The following CACNA1B variants were observed in gnomAD, a reference collection of about 807,000 sequenced individuals.
CACNA1B encodes voltage-dependent N-type calcium channel subunit alpha-1B.
Under a neutral mutation model 247.2 loss-of-function variants are expected in CACNA1B, and 70 were observed. That is an observed-to-expected ratio of 0.28 (90% CI 0.23 to 0.35). The LOEUF (loss-of-function observed/expected upper bound fraction) is 0.35, where lower values mean the gene tolerates loss of function less well. CACNA1B is among the 10% of genes least tolerant of loss of function. The pLI, the probability that CACNA1B is intolerant of heterozygous loss-of-function variation, is 1.00. For synonymous variants in CACNA1B, 1,231 were observed against 1,294.4 expected (o/e 0.95, Z 1.05); for missense variants, 2,367 against 3,197.4 (o/e 0.74, Z 6.26).
At position 138,046,892 on chromosome 9, in the gene CACNA1B, C is replaced by T; in HGVS notation, c.3414-12C>T. ...TGGGGGGCCTTGTGGTGATCCGTGCCTTCCCTCACAGGCTCCGCCGCTTCT... is the reference window on the plus strand; with the variant it reads ...TGGGGGGCCTTGTGGTGATCCGTGCTTTCCCTCACAGGCTCCGCCGCTTCT... On this transcript the variant is annotated splice_polypyrimidine_tract_variant and intron_variant, in intron 21 of 46. Transcript: ENST00000371372. The T allele has an allele frequency of 1.2e-6, 2 of 1,612,496 alleles. No homozygotes were observed. The highest frequency in any genetic ancestry group is 1.1e-5 in the South Asian group (1 of 91,030).
At chr9:138,095,642 A>C (rs1323810816) in intron 36 of CACNA1B, among the ~76,000 whole-genome samples, 1 of 152,222 alleles carries the variant, frequency 6.6e-6, no homozygotes, top group East Asian at 1.9e-4. Context: ...AAATGAAAAG[A>C]TGTATCTGCA....
Position 138,023,433 on chromosome 9 carries a change from C to T in CACNA1B, c.2690C>T (p.Ala897Val). Residue 897 changes from alanine (A) to valine (V), a missense_variant, in exon 19 of 47, where the codon GCG (alanine) becomes GTG (valine). By Grantham distance (64) the Ala-to-Val change is moderately conservative. Around this residue, in one of 12 missense-constraint regions of CACNA1B, gnomAD observed 631 missense variants for 631.1 expected, o/e 1.00. Transcript: ENST00000371372. ...CACCGCAGCCACAGCAAGGAGGCCG[C>T]GGGGCCCCCGGAGGCGCGGAGCGAG... is the stretch of plus-strand genomic sequence containing the variant. ...RPHRSHSKEAAGPPEARSERG... is the reference protein window; with the variant it reads ...RPHRSHSKEAVGPPEARSERG... The T allele has an allele frequency of 3.2e-6, 4 of 1,266,514 alleles. No individual in the cohort carries two copies. Among genetic ancestry groups the T allele is most frequent in the Non-Finnish European group, 3.0e-6 (3 of 1,010,376 alleles). The allele number at this position is 1,266,514 out of a possible 1,614,324, so 78.5% of individuals were successfully genotyped here. A position where few individuals can be genotyped will look rare whatever the true frequency, so the allele number is the denominator to read the frequency against.
At position 138,121,128 on chromosome 9, in the gene CACNA1B, T is replaced by A. The variant is rs1452742727; in HGVS notation, c.6489+247T>A. 6.6e-6 allele frequency among the ~76,000 whole-genome samples: 1 copy of A among 152,140 alleles called. No homozygotes were observed. The highest frequency in any genetic ancestry group is 2.4e-5 in the African/African-American group (1 of 41,428). ...CAGTGGTTCTGCGTCCTATCCACTTTCGGACCTGGGCCCCCAAATACTTAC... is the reference window on the plus strand; with the variant it reads ...CAGTGGTTCTGCGTCCTATCCACTTACGGACCTGGGCCCCCAAATACTTAC... On this transcript the variant is annotated intron_variant, in intron 46 of 46. Transcript: ENST00000371372. This position sits in a 1 kb window ranked among gnomAD's most constrained non-coding sequence, Gnocchi z 6.8.
At chr9:137,922,927 G>A (rs549786751) in intron 6 of CACNA1B, among the ~76,000 whole-genome samples, 6 of 152,234 alleles carry the variant, frequency 3.9e-5, no homozygotes, top group Non-Finnish European at 2.9e-5. Flanking sequence ...GGTCACACCC[G>A]CATCTCTCCT....
chr9:138,085,968 C>T (rs914517049), intron 36 of CACNA1B, among the ~76,000 whole-genome samples: 1 of 151,118 alleles, frequency 6.6e-6, no homozygotes, highest in African/African-American at 2.4e-5. Flanking sequence ...ATAAAACTCG[C>T]TGGTAGAGTG....
At chr9:138,053,012 G>C (rs2133492257) in intron 25 of CACNA1B, among the ~76,000 whole-genome samples, 1 of 152,354 alleles carries the variant, frequency 6.6e-6, no homozygotes, top group Non-Finnish European at 1.5e-5. Context: ...GAGCTTCCAG[G>C]TTGGGAGGGA....
chr9:138,105,390 A>G (rs1207606875), intron 38 of CACNA1B, among the ~76,000 whole-genome samples: 1 of 152,210 alleles, frequency 6.6e-6, no homozygotes, highest in Non-Finnish European at 1.5e-5. Flanking sequence ...ACATTCAGCC[A>G]CAGGCAGGGG....
rs765161114 is a variant in CACNA1B at position 138,020,668 on chromosome 9, G to A, written c.2268-2343G>A. Among the ~76,000 whole-genome samples, 2 of 152,206 alleles carry A rather than the reference G, an allele frequency of 1.3e-5. No individual in the cohort carries two copies. The highest frequency in any genetic ancestry group is 2.9e-5 in the Non-Finnish European group (2 of 68,020). ...GCCAGGTGGAACCAGTGGGGCTGCG[G>A]GGGGCGGGCAGGTGCCCTAGCGTAG... On this transcript the variant is annotated intron_variant, in intron 18 of 46. Transcript: ENST00000371372. The surrounding 1 kb of genome is among the most constrained non-coding windows in gnomAD (Gnocchi z 4.1).
At position 138,020,200 on chromosome 9, in the gene CACNA1B, C is replaced by A. The variant is rs566096675; in HGVS notation, c.2268-2811C>A. Among the ~76,000 whole-genome samples the A allele has an allele frequency of 1.3e-5, 2 of 152,140 alleles. No homozygotes were observed. The highest frequency in any genetic ancestry group is 2.9e-5 in the Non-Finnish European group (2 of 68,014). On this transcript the variant is annotated intron_variant, in intron 18 of 46. Transcript: ENST00000371372. This position sits in a 1 kb window ranked among gnomAD's most constrained non-coding sequence, Gnocchi z 4.1. ...TTCCGGGTTGTCTGAGCCCAGAGAC[C>A]TCAAAGCAGGGCCACAGAGCGCCTT...
At position 138,059,810 on chromosome 9, in the gene CACNA1B, T is replaced by C; in HGVS notation, c.4668+73T>C. The C allele has an allele frequency of 2.3e-6, 2 of 855,108 alleles. No homozygotes were observed. Among genetic ancestry groups the C allele is most frequent in the Non-Finnish European group, 4.0e-6 (2 of 495,760 alleles). 53.0% of individuals were successfully genotyped at this position (855,108 alleles called of 1,614,324 possible). A position where few individuals can be genotyped will look rare whatever the true frequency, so the allele number is the denominator to read the frequency against. Reference sequence around the variant, plus strand: ...TCTAGAGCCTGCTCCCCTCAGTGCATCTCCAGGCCCTGTGTTAGCCTCTTC... The same window carrying C: ...TCTAGAGCCTGCTCCCCTCAGTGCACCTCCAGGCCCTGTGTTAGCCTCTTC... On this transcript the variant is annotated intron_variant, in intron 31 of 46. Transcript: ENST00000371372. The surrounding 1 kb of genome is among the most constrained non-coding windows in gnomAD (Gnocchi z 4.2).
Position 137,927,474 on chromosome 9 carries a change from C to T in CACNA1B, c.966+10043C>T, listed in dbSNP as rs140017216. Among the ~76,000 whole-genome samples, 877 of 152,256 alleles carry T rather than the reference C, an allele frequency of 5.8e-3. 13 individuals carry two copies. The highest frequency in any genetic ancestry group is 4.9e-3 in the Non-Finnish European group (336 of 68,018). On this transcript the variant is annotated intron_variant, in intron 6 of 46. Coordinates refer to ENST00000371372, the MANE Select transcript of CACNA1B (RefSeq NM_000718.4). ...CCGACCTCAGGTGATCCGCCCACCTCGGATTTGCTGAAAAGACTGTCCTTT... is the reference window on the plus strand; with the variant it reads ...CCGACCTCAGGTGATCCGCCCACCTTGGATTTGCTGAAAAGACTGTCCTTT...
intron 18 of CACNA1B, among the ~76,000 whole-genome samples, chr9:138,016,833 T>C (rs1958799077): frequency 6.6e-6 from 1 of 152,250 alleles, no homozygotes; most frequent in Admixed American, 6.5e-5. Flanking sequence ...CCGCACTGCC[T>C]GTCCTGGGCA....
At chr9:137,925,522 A>G (rs993471006) in intron 6 of CACNA1B, among the ~76,000 whole-genome samples, 10 of 152,156 alleles carry the variant, frequency 6.6e-5, no homozygotes, top group Admixed American at 6.5e-4. Flanking sequence ...CCATGTGTTC[A>G]TTGCTAGTAT....
At position 138,050,617 on chromosome 9, in the gene CACNA1B, A is replaced by AG. The variant is rs1367031176; in HGVS notation, c.3710+1304dup. 6.6e-6 allele frequency among the ~76,000 whole-genome samples: 1 copy of AG among 152,108 alleles called. No homozygotes were observed. The highest frequency in any genetic ancestry group is 1.9e-4 in the East Asian group (1 of 5,186). ...TGCAGCCAGGGGTCCCCCAGTCAGG[A>AG]GGAGGGGAAGGGGTTGGGCCCATCC... On this transcript the variant is annotated intron_variant, in intron 24 of 46. Transcript: ENST00000371372. This position sits in a 1 kb window ranked among gnomAD's most constrained non-coding sequence, Gnocchi z 5.2.
chr9:137,929,342 C>T (rs1431524558), intron 6 of CACNA1B, among the ~76,000 whole-genome samples: 1 of 152,030 alleles, frequency 6.6e-6, no homozygotes, highest in Non-Finnish European at 1.5e-5. Flanking sequence ...TCACTTGAGC[C>T]CAAGAATTTG....
chr9:137,961,904 A>G (rs1958025292), intron 10 of CACNA1B, among the ~76,000 whole-genome samples: 1 of 152,212 alleles, frequency 6.6e-6, no homozygotes. Flanking sequence ...AGAATGAGTT[A>G]GGGAGGAGTC....
At chr9:137,896,544 AT>A (rs1263211131) in intron 3 of CACNA1B, among the ~76,000 whole-genome samples, 5 of 152,030 alleles carry the variant, frequency 3.3e-5, no homozygotes, top group African/African-American at 1.2e-4. Flanking sequence ...CTTGTTAAGG[AT>A]TTTTACATAT....
Position 137,882,821 on chromosome 9 carries a change from C to T in CACNA1B, c.468C>T (p.Phe156=). ...AAATCATCGCTCTGGGCTTTGTCTTCCACAAGGGCTCTTACCTGCGGAACG... is the reference window on the plus strand; with the variant it reads ...AAATCATCGCTCTGGGCTTTGTCTTTCACAAGGGCTCTTACCTGCGGAACG... ...GIKIIALGFV[F]HKGSYLRNGW... is the part of the protein sequence containing the mutation. Residue 156 remains phenylalanine, a synonymous_variant, in exon 3 of 47, where the codon TTC becomes TTT. Transcript: ENST00000371372. The surrounding 1 kb of genome is among the most constrained non-coding windows in gnomAD (Gnocchi z 4.0). The T allele has an allele frequency of 6.2e-7, 1 of 1,613,964 alleles. No individual in the cohort carries two copies.
chr9:137,902,887 C>A (rs1367509194), intron 3 of CACNA1B, among the ~76,000 whole-genome samples: 1 of 152,234 alleles, frequency 6.6e-6, no homozygotes, highest in African/African-American at 2.4e-5. Flanking sequence ...CCCGGCAACC[C>A]CCACTGCCGA....
Sources: allele counts gnomAD v4.1 joint callset (sites outside exome capture counted in the v4.1 genomes callset), GRCh38; gene constraint gnomAD v4.1.1; regional missense constraint gnomAD v4.1.1; non-coding constraint Gnocchi (gnomAD v3.1); transcripts MANE v1.5; gene names NCBI Gene and HGNC (gene_info 2026-07-23, HGNC 2026-07-21).